The following CBLN2 variants were observed in gnomAD, a reference collection of about 807,000 sequenced individuals.
CBLN2 encodes cerebellin 2 precursor, also known as cerebellin-2.
CBLN2 carries 7 observed loss-of-function variants against 15.0 expected under a neutral mutation model. The observed-to-expected ratio is 0.47, with a 90% CI of 0.27 to 0.88. CBLN2 has a LOEUF of 0.88. Ranked by LOEUF, CBLN2 falls within the 40% of genes least tolerant of loss-of-function variation. CBLN2 has a pLI of 0.14. For synonymous variants in CBLN2, 149 were observed against 135.2 expected (o/e 1.10, Z -0.71); for missense variants, 242 against 304.5 (o/e 0.79, Z 1.53).
At chr18:72,585,418 G>A (rs934136153) in intron 1 of CBLN2, among the ~76,000 whole-genome samples, 6 of 152,120 alleles carry the variant, frequency 3.9e-5, no homozygotes, top group South Asian at 2.1e-4. Context: ...TGGGTAGCTC[G>A]TTTCCACAGG....
At chr18:72,572,542 A>T (rs1430899680) in intron 1 of CBLN2, among the ~76,000 whole-genome samples, 1 of 152,184 alleles carries the variant, frequency 6.6e-6, no homozygotes, top group African/African-American at 2.4e-5. Flanking sequence ...AAATTTGTCC[A>T]TGGCAGTAAT....
chr18:72,541,124 T>C lies in CBLN2; in HGVS notation c.357+680A>G, dbSNP rs554969536. 1.7e-3 allele frequency among the ~76,000 whole-genome samples: 266 copies of C among 152,370 alleles called. 1 individual carries two copies. The highest frequency in any genetic ancestry group is 2.9e-3 in the Non-Finnish European group (196 of 68,030). On this transcript the variant is annotated intron_variant, in intron 3 of 4. Transcript: ENST00000269503. ...ATAAGTTAAGTGGCTTAAGGTGACGTAAGTCACTGCTCTTTTAAAAAATTT... is the reference window on the plus strand; with the variant it reads ...ATAAGTTAAGTGGCTTAAGGTGACGCAAGTCACTGCTCTTTTAAAAAATTT...
At chr18:72,579,057 AT>A (rs1041029120) in intron 1 of CBLN2, among the ~76,000 whole-genome samples, 1 of 152,190 alleles carries the variant, frequency 6.6e-6, no homozygotes, top group African/African-American at 2.4e-5. Flanking sequence ...TCAATATCTA[AT>A]GCACTGTGGT....
At chr18:72,556,394 A>G (rs1378713198) in intron 1 of CBLN2, among the ~76,000 whole-genome samples, 3 of 152,348 alleles carry the variant, frequency 2.0e-5, no homozygotes, top group Non-Finnish European at 4.4e-5. Context: ...TTTCTGCCAC[A>G]TAAGTGTGAA....
At chr18:72,598,308 C>A (rs1353768587) in intron 1 of CBLN2, among the ~76,000 whole-genome samples, 2 of 152,152 alleles carry the variant, frequency 1.3e-5, no homozygotes, top group African/African-American at 4.8e-5. Flanking sequence ...AAATGGGTTC[C>A]CTTCTGGCCC....
At chr18:72,635,347 C>A (rs966796447) in intron 1 of CBLN2, among the ~76,000 whole-genome samples, 2 of 152,054 alleles carry the variant, frequency 1.3e-5, no homozygotes, top group Non-Finnish European at 2.9e-5. Context: ...ACAAAACACA[C>A]AAAAATTTGT....
At chr18:72,630,321 T>C (rs550525101) in intron 1 of CBLN2, among the ~76,000 whole-genome samples, 1 of 152,256 alleles carries the variant, frequency 6.6e-6, no homozygotes, top group African/African-American at 2.4e-5. Context: ...GTCCTGTCCT[T>C]ACTTTTAGCA....
At chr18:72,546,319 C>A (rs945296068), upstream of CBLN2, among the ~76,000 whole-genome samples, 1 of 151,980 alleles carries the variant, frequency 6.6e-6, no homozygotes, top group Non-Finnish European at 1.5e-5. Context: ...CGCCTGTAGT[C>A]CCAGCTACTC....
rs775697544 is a variant in CBLN2 at position 72,542,186 on chromosome 18, G to T, written c.-26C>A. 2.5e-6 allele frequency: 3 copies of T among 1,204,804 alleles called. No homozygotes were observed. The highest frequency in any genetic ancestry group is 1.6e-5 in the African/African-American group (1 of 63,010). The allele number at this position is 1,204,804 out of a possible 1,614,324, so 74.6% of individuals were successfully genotyped here. On this transcript the variant is annotated 5_prime_UTR_variant, in exon 3 of 5. Coordinates refer to ENST00000269503, the MANE Select transcript of CBLN2 (RefSeq NM_182511.4). ...CGGGACTGGTGGGAGGCGGCGCGCG[G>T]GGGTGGAGGCCGGCGCCGGCGCGAG... is the stretch of plus-strand genomic sequence containing the variant.
chr18:72,575,983 C>T (rs1027770993), intron 1 of CBLN2, among the ~76,000 whole-genome samples: 1 of 152,128 alleles, frequency 6.6e-6, no homozygotes, highest in Non-Finnish European at 1.5e-5. Flanking sequence ...TGAACCCAAT[C>T]CTTCCATTTT....
intron 1 of CBLN2, among the ~76,000 whole-genome samples, chr18:72,557,755 A>G (rs2069235541): frequency 6.6e-6 from 1 of 152,132 alleles, no homozygotes; most frequent in Admixed American, 6.5e-5. Flanking sequence ...CTGCCTTTTC[A>G]GAGGTGGGGT....
In CBLN2 at chr18:72,586,823, TG is replaced by T. The variant is rs2069446665; in HGVS notation, c.16-48052del. On this transcript the variant is annotated intron_variant, in intron 1 of 2. Coordinates refer to the CBLN2 transcript ENST00000581073. ...CACAAAATAAGTGAAATAGGCCTTT[TG>T]GGGTGTTATTTCTGAGATTTCAAGT... Among the ~76,000 whole-genome samples, 5 of 152,070 alleles carry T rather than the reference TG, an allele frequency of 3.3e-5. No homozygotes were observed. The South Asian group carries it at 1.0e-3, about 32-fold the overall frequency.
rs1013801416 is a variant in CBLN2 at position 72,537,420 on chromosome 18, G to A, written c.*756C>T. The A allele has an allele frequency of 2.6e-5, 4 of 152,116 alleles. No individual in the cohort carries two copies. The highest frequency in any genetic ancestry group is 2.6e-4 in the Admixed American group (4 of 15,268). 9.4% of individuals were successfully genotyped at this position (152,116 alleles called of 1,614,324 possible). On this transcript the variant is annotated 3_prime_UTR_variant, in exon 5 of 5. Coordinates refer to ENST00000269503, the MANE Select transcript of CBLN2 (RefSeq NM_182511.4). ...TACAGGTATTTTAATGTTTTGTTTT[G>A]TTTGGTCTTATCCAGGAATTCTATA...
chr18:72,618,508 C>G (rs9952042), intron 1 of CBLN2: 109,315 of 679,404 alleles, frequency 0.16, 12,997 homozygotes, highest in African/African-American at 0.46. Flanking sequence ...AAGGTGGATG[C>G]AAGAGTTGTG....
intron 1 of CBLN2, among the ~76,000 whole-genome samples, chr18:72,553,738 C>T (rs1224154339): frequency 1.2e-4 from 19 of 152,112 alleles, no homozygotes; most frequent in African/African-American, 3.4e-4. Context: ...TGGGGGAAAC[C>T]GTGGAGCAAT....
chr18:72,592,196 A>C (rs563461957), intron 1 of CBLN2, among the ~76,000 whole-genome samples: 1 of 152,198 alleles, frequency 6.6e-6, no homozygotes, highest in Non-Finnish European at 1.5e-5. Context: ...AGCCATTTTA[A>C]CTGGGGAGAG....
chr18:72,539,978 T>A (rs1235882877), intron 3 of CBLN2: 1 of 152,238 alleles, frequency 6.6e-6, no homozygotes, highest in Non-Finnish European at 1.5e-5. Flanking sequence ...ATGCTGCCAA[T>A]GACAATCGCC....
intron 1 of CBLN2, among the ~76,000 whole-genome samples, chr18:72,636,610 A>G (rs1356190656): frequency 6.6e-6 from 1 of 152,214 alleles, no homozygotes; most frequent in Non-Finnish European, 1.5e-5. Flanking sequence ...TGGTACATGT[A>G]AAATTTTTAG....
At chr18:72,609,005 A>G (rs989150723) in intron 1 of CBLN2, among the ~76,000 whole-genome samples, 2 of 152,170 alleles carry the variant, frequency 1.3e-5, no homozygotes, top group Non-Finnish European at 2.9e-5. Context: ...CGATTCAATT[A>G]TCTTCACTTG....
Sources: gnomAD v4.1 joint callset for allele counts (sites outside exome capture counted in the v4.1 genomes callset) on GRCh38, gnomAD v4.1.1 for gene constraint, MANE v1.5 for transcripts, NCBI Gene and HGNC (gene_info 2026-07-23, HGNC 2026-07-21) for gene names.